Variants in IDUA observed in about 807,000 individuals in gnomAD.
IDUA encodes the protein alpha-L-iduronidase, also known as iduronidase alpha-L-.
A neutral mutation model predicts 68.9 loss-of-function variants in IDUA; 65 were observed. The observed-to-expected ratio is 0.94, with a 90% CI of 0.77 to 1.16. The LOEUF (loss-of-function observed/expected upper bound fraction) is 1.16, where lower values mean the gene tolerates loss of function less well. Among genes scored for constraint, IDUA ranks in the 50% most tolerant of loss-of-function variants. The pLI is 0.00. For missense variants in IDUA, 1,046 were observed against 938.0 expected (o/e 1.12, Z -1.50); for synonymous variants, 529 against 433.6 (o/e 1.22, Z -2.73).
intron 2 of IDUA, 200 bp downstream of exon 2, chr4:988,149 C>G: frequency 7.1e-7 from 1 of 1,402,456 alleles, no homozygotes; most frequent in Non-Finnish European, 9.3e-7. Flanking sequence ...GCACGGTGGG[C>G]TTCCTGCAGG....
In IDUA at chr4:1,001,531, A is replaced by G. The variant is rs758439259; in HGVS notation, c.557A>G (p.His186Arg). 2.5e-6 allele frequency: 4 copies of G among 1,613,168 alleles called. No individual in the cohort carries two copies. The highest frequency in any genetic ancestry group is 3.3e-5 in the Admixed American group (2 of 60,002). ...NFETWNEPDH[H>R]DFDNVSMTMQ... ...GAGACGTGGAATGAGCCAGACCACC[A>G]CGACTTTGACAACGTCTCCATGACC... The change falls in exon 5 of 14, where the codon CAC becomes CGC. Residue 186 changes from histidine (H) to arginine (R), a missense_variant. Coordinates refer to ENST00000514224, the MANE Select transcript of IDUA (RefSeq NM_000203.5).
chr4:1,003,478 GCAGTCCC>G lies in IDUA; in HGVS notation c.1650+10_1650+16del, dbSNP rs1715248058. On this transcript the variant is annotated intron_variant, in intron 11 of 13. Transcript: ENST00000514224. ...GAGAAGCCGCCCGGGCAGGCAAGTG[GCAGTCCC>G]CTAACCCGCGCCGCGGCCCGGACTC... The G allele has an allele frequency of 6.3e-7, 1 of 1,579,572 alleles. No homozygotes were observed. Among genetic ancestry groups the G allele is most frequent in the African/African-American group, 1.3e-5 (1 of 74,416 alleles).
chr4:991,104 C>G, intron 2 of IDUA: 1 of 1,519,696 alleles, frequency 6.6e-7, no homozygotes, highest in Non-Finnish European at 8.8e-7. Flanking sequence ...GGGCCCCTCC[C>G]TGTGCCCAAG....
chr4:1,000,458 A>G (rs1715004004), intron 2 of IDUA, among the ~76,000 whole-genome samples, 154 bp from the exon 3 acceptor site: 2 of 152,108 alleles, frequency 1.3e-5, no homozygotes, highest in Non-Finnish European at 1.5e-5. Context: ...TCATAGGGTT[A>G]TTTTCCAAGG....
At chr4:991,890 G>T (rs953319994) in intron 2 of IDUA, 10 of 1,310,766 alleles carry the variant, frequency 7.6e-6, no homozygotes, top group Non-Finnish European at 8.5e-6. Context: ...CCAGCCCCCT[G>T]CCCGGTATGG....
intron 1 of IDUA, 37 bp downstream of exon 1, chr4:987,279 A>C (rs1241889561): frequency 6.6e-7 from 1 of 1,504,228 alleles, no homozygotes; most frequent in Non-Finnish European, 8.8e-7. Flanking sequence ...CCCTGGCCGC[A>C]CGGGGAGAGC....
chr4:989,004 C>CA, intron 2 of IDUA: 1 of 1,590,626 alleles, frequency 6.3e-7, no homozygotes, highest in Non-Finnish European at 8.6e-7. Flanking sequence ...AGCAGGCTAG[C>CA]AGCAGGCTGA....
At position 1,002,938 on chromosome 4, in the gene IDUA, G is replaced by C. The variant is rs1351013885; in HGVS notation, c.1396G>C (p.Gly466Arg). ...CCTGCGGCTGCGCGGGGTGCCCCCCGGCCCGGGTAAGCCGGGGTTCCAGGG... is the reference window on the plus strand; with the variant it reads ...CCTGCGGCTGCGCGGGGTGCCCCCCCGCCCGGGTAAGCCGGGGTTCCAGGG... ...VTLRLRGVPP[G>R]PGLVYVTRYL... Residue 466 changes from glycine (G) to arginine (R), a missense_variant, in exon 9 of 14, where the codon GGC (glycine) becomes CGC (arginine). By Grantham distance (125) the Gly-to-Arg change is moderately radical. Transcript: ENST00000514224. The C allele has an allele frequency of 7.3e-7, 1 of 1,361,730 alleles. No individual in the cohort carries two copies. The highest frequency in any genetic ancestry group is 9.4e-7 in the Non-Finnish European group (1 of 1,065,536). The allele number at this position is 1,361,730 out of a possible 1,614,324, so 84.4% of individuals were successfully genotyped here. A position where few individuals can be genotyped will look rare whatever the true frequency, so the allele number is the denominator to read the frequency against.
At chr4:990,430 G>C (rs1714195973) in intron 2 of IDUA, 1 of 1,444,014 alleles carries the variant, frequency 6.9e-7, no homozygotes. Flanking sequence ...CCAGCACCTG[G>C]CATGGCCCGA....
At chr4:991,068 G>A in intron 2 of IDUA, 1 of 1,475,274 alleles carries the variant, frequency 6.8e-7, no homozygotes, top group Non-Finnish European at 9.0e-7. Flanking sequence ...CCTCGTGGAT[G>A]GCCAAAACCT....
chr4:996,642 T>C (rs1714758131), intron 2 of IDUA, among the ~76,000 whole-genome samples: 1 of 152,214 alleles, frequency 6.6e-6, no homozygotes, highest in Non-Finnish European at 1.5e-5. Context: ...TATGCCCTTT[T>C]AGTCCCCACC....
rs6848974 is a variant in IDUA at position 1,001,671 on chromosome 4, C to T, written c.590-8C>T. On this transcript the variant is annotated splice_region_variant and splice_polypyrimidine_tract_variant and intron_variant, in intron 5 of 13. Transcript: ENST00000514224. Reference sequence around the variant, plus strand: ...GGCAGGTGTAGACGCAGTGCTCCCCCGGCCCAGGCTTCCTGAACTACTACG... The same window carrying T: ...GGCAGGTGTAGACGCAGTGCTCCCCTGGCCCAGGCTTCCTGAACTACTACG... The T allele has an allele frequency of 0.16, 261,881 of 1,601,222 alleles. 23,092 individuals carry two copies. The highest frequency in any genetic ancestry group is 0.3 in the South Asian group (27,112 of 90,864).
In IDUA at chr4:990,278, C is replaced by T. The variant is rs761749242; in HGVS notation, c.299+2329C>T. 2.6e-5 allele frequency: 41 copies of T among 1,599,866 alleles called. No homozygotes were observed. Among genetic ancestry groups the T allele is most frequent in the South Asian group, 7.9e-5 (7 of 88,288 alleles). ...TTGAGCTGCGAGGTCAGGATGGTCA[C>T]GGAGGCCCCCATGGCAAAGCCATCG... On this transcript the variant is annotated intron_variant, in intron 2 of 13. Transcript: ENST00000514224.
At chr4:997,606 A>C (rs1714819582) in intron 2 of IDUA, among the ~76,000 whole-genome samples, 3 of 151,734 alleles carry the variant, frequency 2.0e-5, no homozygotes, top group Non-Finnish European at 4.4e-5. Context: ...ACAAGGGCTG[A>C]CGCGCCCCCG....
Position 1,001,804 on chromosome 4 carries a change from C to T in IDUA, c.715C>T (p.Arg239Cys). The change falls in exon 6 of 14, where the codon CGC becomes TGC. Residue 239 changes from arginine (R) to cysteine (C), a missense_variant. By Grantham distance (180) the Arg-to-Cys change is radical. Coordinates refer to ENST00000514224, the MANE Select transcript of IDUA (RefSeq NM_000203.5). ...ATCCCCGCTGAGCTGGGGCCTCCTGCGCCACTGCCACGACGGTACCAACTT... is the reference window on the plus strand; with the variant it reads ...ATCCCCGCTGAGCTGGGGCCTCCTGTGCCACTGCCACGACGGTACCAACTT... ...PRSPLSWGLL[R>C]HCHDGTNFFT... 6.2e-7 allele frequency: 1 copy of T among 1,604,628 alleles called. No homozygotes were observed. The highest frequency in any genetic ancestry group is 2.2e-5 in the East Asian group (1 of 44,560).
chr4:987,148 C>T lies in IDUA; in HGVS notation c.64C>T (p.Pro22Ser), dbSNP rs1001972534. 7.1e-7 allele frequency: 1 copy of T among 1,415,768 alleles called. No individual in the cohort carries two copies. Among genetic ancestry groups the T allele is most frequent in the Non-Finnish European group, 9.2e-7 (1 of 1,090,820 alleles). The allele number at this position is 1,415,768 out of a possible 1,614,324, so 87.7% of individuals were successfully genotyped here. ...CCTGGCCTCGCTCCTGGCCGCGCCC[C>T]CGGTGGCCCCGGCCGAGGCCCCGCA... is the stretch of plus-strand genomic sequence containing the variant. ...ALLASLLAAP[P>S]VAPAEAPHLV... The change falls in exon 1 of 14, where the codon CCG becomes TCG. Residue 22 changes from proline (P) to serine (S), a missense_variant. By Grantham distance (74) the Pro-to-Ser change is moderately conservative. Transcript: ENST00000514224.
rs1200035624 is a variant in IDUA, at chr4:987,104, G to A, written c.20G>A (p.Arg7His). ...GTGGCCATGCGTCCCCTGCGCCCCC[G>A]CGCCGCGCTGCTGGCGCTCCTGGCC... MRPLRP[R>H]AALLALLASL... Residue 7 changes from arginine to histidine, a missense_variant, in exon 1 of 14, where the codon CGC becomes CAC. Physicochemically the swap from Arg to His is conservative, Grantham distance 29. Coordinates refer to ENST00000514224, the MANE Select transcript of IDUA (RefSeq NM_000203.5). 2 of 1,456,738 alleles carry A rather than the reference G, an allele frequency of 1.4e-6. No homozygotes were observed. The highest frequency in any genetic ancestry group is 1.8e-6 in the Non-Finnish European group (2 of 1,109,490). The allele number at this position is 1,456,738 out of a possible 1,614,324, so 90.2% of individuals were successfully genotyped here. A position where few individuals can be genotyped will look rare whatever the true frequency, so the allele number is the denominator to read the frequency against.
intron 2 of IDUA, chr4:991,744 G>C (rs1268205760): frequency 6.5e-7 from 1 of 1,528,286 alleles, no homozygotes; most frequent in Admixed American, 2.0e-5. Flanking sequence ...CGGCCGAGAA[G>C]AGGGCATGGT....
intron 2 of IDUA, among the ~76,000 whole-genome samples, chr4:993,961 C>A (rs976759640): frequency 6.6e-6 from 1 of 152,250 alleles, no homozygotes; most frequent in African/African-American, 2.4e-5. Flanking sequence ...GGCCAGGAGT[C>A]CTGGTCTGAC....
Sources: gnomAD v4.1 joint callset for allele counts (sites outside exome capture counted in the v4.1 genomes callset) on GRCh38, gnomAD v4.1.1 for gene constraint, MANE v1.5 for transcripts, NCBI Gene and HGNC (gene_info 2026-07-23, HGNC 2026-07-21) for gene names.